The following CA10 variants were observed in gnomAD, a reference collection of about 807,000 sequenced individuals.
The protein encoded by CA10 is carbonic anhydrase-related protein 10.
A neutral mutation model predicts 44.2 loss-of-function variants in CA10; 14 were observed. That is an observed-to-expected ratio of 0.32 (90% confidence interval 0.21 to 0.50). CA10 has a LOEUF of 0.50. Ranked by LOEUF, CA10 falls within the 20% of genes least tolerant of loss-of-function variation. CA10 has a pLI of 0.99. For synonymous variants in CA10, 159 were observed against 141.6 expected, an observed-to-expected ratio of 1.12 and a Z score of -0.87; for missense variants, 350 against 409.7, an observed-to-expected ratio of 0.85 and a Z score of 1.26.
At chr17:52,077,400 T>G (rs998066824) in intron 1 of CA10, among the ~76,000 whole-genome samples, 19 of 152,140 alleles carry the variant, frequency 1.2e-4, no homozygotes, top group African/African-American at 4.3e-4. Context: ...ATAATACATG[T>G]TTTAGGCTTT....
chr17:51,717,469 A>G (rs1319749491), intron 4 of CA10, among the ~76,000 whole-genome samples: 1 of 148,380 alleles, frequency 6.7e-6, no homozygotes, highest in East Asian at 2.0e-4. Context: ...ACAGTTCACA[A>G]TCGCAAAATC....
chr17:52,018,751 C>T (rs1035663400), intron 2 of CA10, among the ~76,000 whole-genome samples: 3 of 152,034 alleles, frequency 2.0e-5, no homozygotes, highest in African/African-American at 7.2e-5. Flanking sequence ...GTGAGATGAA[C>T]ATGAAATTTG....
At chr17:52,122,144 T>C (rs1989027645) in intron 1 of CA10, among the ~76,000 whole-genome samples, 1 of 152,162 alleles carries the variant, frequency 6.6e-6, no homozygotes, top group South Asian at 2.1e-4. Context: ...GTCAAATTTG[T>C]ATTAAGAACC....
At chr17:51,647,370 A>G (rs1913382697) in intron 6 of CA10, among the ~76,000 whole-genome samples, 1 of 152,140 alleles carries the variant, frequency 6.6e-6, no homozygotes, top group Admixed American at 6.5e-5. Flanking sequence ...AGTGCTCTCC[A>G]GGTTTTGTGC....
At chr17:52,094,218 C>G (rs2143221622) in intron 1 of CA10, among the ~76,000 whole-genome samples, 1 of 151,952 alleles carries the variant, frequency 6.6e-6, no homozygotes, top group Non-Finnish European at 1.5e-5. Flanking sequence ...GTGAAAACCA[C>G]CATGGCACAT....
At chr17:51,819,021 C>T (rs1267369642) in intron 3 of CA10, among the ~76,000 whole-genome samples, 1 of 152,110 alleles carries the variant, frequency 6.6e-6, no homozygotes, top group Non-Finnish European at 1.5e-5. Context: ...AGGAAAGAGG[C>T]TGTGATGTAT....
chr17:51,959,560 A>G (rs907963352), intron 2 of CA10, among the ~76,000 whole-genome samples: 2 of 152,180 alleles, frequency 1.3e-5, no homozygotes, highest in African/African-American at 2.4e-5. Flanking sequence ...CTCACCACTA[A>G]TTGGCGCATG....
intron 2 of CA10, among the ~76,000 whole-genome samples, chr17:52,046,792 G>A (rs1475014457): frequency 2.0e-5 from 3 of 151,734 alleles, no homozygotes; most frequent in African/African-American, 7.2e-5. Flanking sequence ...CTTTAACAAA[G>A]TATTAGCAAA....
Position 51,680,704 on chromosome 17 carries a change from G to T in CA10, c.466-26968C>A, listed in dbSNP as rs141819286. 5.2e-3 allele frequency among the ~76,000 whole-genome samples: 794 copies of T among 152,258 alleles called. 6 individuals carry two copies. Among genetic ancestry groups the T allele is most frequent in the African/African-American group, 0.018 (746 of 41,538 alleles). On this transcript the variant is annotated intron_variant, in intron 4 of 8. Transcript: ENST00000451037. ...GGGATGCAGAAGACTATAGTTCTGG[G>T]CAAGGTCACATGTCCTCCCCTGAAT... is the stretch of plus-strand genomic sequence containing the variant.
At chr17:52,106,229 C>G (rs151220718) in intron 1 of CA10, among the ~76,000 whole-genome samples, 1 of 152,154 alleles carries the variant, frequency 6.6e-6, no homozygotes, top group Non-Finnish European at 1.5e-5. Flanking sequence ...GACTCAAGAT[C>G]GTGAAAGTCT....
chr17:52,011,008 G>A (rs1985776826), intron 2 of CA10, among the ~76,000 whole-genome samples: 1 of 151,086 alleles, frequency 6.6e-6, no homozygotes, highest in African/African-American at 2.4e-5. Context: ...GGCGGGGGAG[G>A]GGGCACAGAG....
Position 51,907,900 on chromosome 17 carries a change from C to T in CA10, c.279+23090G>A, listed in dbSNP as rs528458257. ...TGTCAGAGGATGTTTCCTGGGGAAC[C>T]TGATCTGTAAAACCTTCATGAAAAC... On this transcript the variant is annotated intron_variant, in intron 3 of 8. Coordinates refer to ENST00000451037, the MANE Select transcript of CA10 (RefSeq NM_020178.5). Among the ~76,000 whole-genome samples the T allele has an allele frequency of 1.1e-3, 171 of 152,256 alleles. 5 individuals are homozygous for T. In the South Asian group the frequency reaches 0.033, roughly 29 times the overall value.
At chr17:51,979,651 A>G (rs183001417) in intron 2 of CA10, among the ~76,000 whole-genome samples, 1 of 152,162 alleles carries the variant, frequency 6.6e-6, no homozygotes, top group Non-Finnish European at 1.5e-5. Context: ...TAAATCATCT[A>G]TGTCTAGAAT....
At chr17:51,639,504 C>G (rs558648055) in intron 6 of CA10, among the ~76,000 whole-genome samples, 1 of 152,114 alleles carries the variant, frequency 6.6e-6, no homozygotes, top group African/African-American at 2.4e-5. Flanking sequence ...TTATCACACA[C>G]AGCAGGTTTC....
chr17:52,098,488 C>T (rs1414869282), intron 1 of CA10, among the ~76,000 whole-genome samples: 7 of 152,154 alleles, frequency 4.6e-5, no homozygotes, highest in East Asian at 3.9e-4. Flanking sequence ...CCAACAATAA[C>T]GACCCAGCCC....
At chr17:52,014,744 A>T (rs1056975952) in intron 2 of CA10, among the ~76,000 whole-genome samples, 14 of 142,830 alleles carry the variant, frequency 9.8e-5, no homozygotes, top group African/African-American at 3.9e-4. Context: ...TCACTTTGAT[A>T]AAAAAATAGG....
chr17:51,768,383 A>G (rs1438283471), intron 3 of CA10, among the ~76,000 whole-genome samples: 1 of 152,166 alleles, frequency 6.6e-6, no homozygotes, highest in Non-Finnish European at 1.5e-5. Flanking sequence ...GGGCTTTACC[A>G]TTCAGTGTGC....
At chr17:51,927,650 A>G (rs762793180) in intron 3 of CA10, among the ~76,000 whole-genome samples, 7 of 152,180 alleles carry the variant, frequency 4.6e-5, no homozygotes, top group East Asian at 1.9e-4. Flanking sequence ...CACACTGCGT[A>G]CACTCACTTT....
chr17:52,158,271 C>A lies in CA10; in HGVS notation c.-485G>T, dbSNP rs141840232. On this transcript the variant is annotated 5_prime_UTR_variant, in exon 1 of 9. Transcript: ENST00000451037. ...CTCCCGGGAGCGCGTAGCTCGCTGG[C>A]TAAGCCCAGGCAGTCCGCGGCAAGT... 163 of 228,600 alleles carry A rather than the reference C, an allele frequency of 7.1e-4. 1 individual carries two copies. Among genetic ancestry groups the A allele is most frequent in the Middle Eastern group, 3.4e-3 (2 of 590 alleles). 14.2% of individuals were successfully genotyped at this position (228,600 alleles called of 1,614,324 possible). A position where few individuals can be genotyped will look rare whatever the true frequency, so the allele number is the denominator to read the frequency against.
Sources: allele counts gnomAD v4.1 joint callset (sites outside exome capture counted in the v4.1 genomes callset), GRCh38; gene constraint gnomAD v4.1.1; transcripts MANE v1.5; gene names NCBI Gene and HGNC (gene_info 2026-07-23, HGNC 2026-07-21).